SLIT2: variants seen among roughly 807,000 people sequenced by gnomAD.
SLIT2 encodes the protein slit guidance ligand 2.
A neutral mutation model predicts 185.7 loss-of-function variants in SLIT2; 41 were observed. The observed-to-expected ratio is 0.22, with a 90% confidence interval of 0.17 to 0.29. SLIT2 has a LOEUF of 0.29. SLIT2 is among the 10% of genes least tolerant of loss of function. The pLI is 1.00. For missense variants in SLIT2, 1,571 were observed against 1,909.0 expected (o/e 0.82, Z 3.30); for synonymous variants, 693 against 680.2 (o/e 1.02, Z -0.29).
intron 4 of SLIT2, among the ~76,000 whole-genome samples, chr4:20,402,749 CAT>C (rs562684831): frequency 1.3e-5 from 2 of 151,544 alleles, no homozygotes; most frequent in Admixed American, 1.3e-4. Context: ...AATAAGGTAA[CAT>C]ATTTTTTCAA....
At chr4:20,383,918 C>A (rs1405276386) in intron 4 of SLIT2, among the ~76,000 whole-genome samples, 1 of 151,994 alleles carries the variant, frequency 6.6e-6, no homozygotes, top group Non-Finnish European at 1.5e-5. Context: ...GTTGGCCAGG[C>A]TGGTCTCAAA....
chr4:20,503,920 A>G (rs1577802425), intron 9 of SLIT2, among the ~76,000 whole-genome samples: 1 of 152,190 alleles, frequency 6.6e-6, no homozygotes, highest in Admixed American at 6.5e-5. Context: ...CTGTATGCCC[A>G]GAAGTATCAC....
intron 6 of SLIT2, among the ~76,000 whole-genome samples, chr4:20,485,876 A>G (rs1242291450): frequency 1.3e-5 from 2 of 152,222 alleles, no homozygotes; most frequent in Non-Finnish European, 2.9e-5. Context: ...TTCCAACTGT[A>G]ACTATCCCGT....
At chr4:20,334,146 C>T (rs1288123045) in intron 4 of SLIT2, among the ~76,000 whole-genome samples, 4 of 152,164 alleles carry the variant, frequency 2.6e-5, no homozygotes, top group East Asian at 3.9e-4. Context: ...GGTTATCCCT[C>T]GCTAGAGAAA....
Position 20,589,701 on chromosome 4 carries a change from A to G in SLIT2, c.3146A>G (p.His1049Arg), listed in dbSNP as rs1370597129. Reference protein sequence around the residue: ...FCAQDLNPCQHDSKCILTPKG... With the variant: ...FCAQDLNPCQRDSKCILTPKG... ...GCCCAGGACCTGAACCCCTGCCAGCACGATTCAAAGTGCATCCTAACTCCA... is the reference window on the plus strand; with the variant it reads ...GCCCAGGACCTGAACCCCTGCCAGCGCGATTCAAAGTGCATCCTAACTCCA... The change falls in exon 30 of 37, where the codon CAC (histidine) becomes CGC (arginine). Residue 1049 changes from histidine to arginine, a missense_variant. Physicochemically the swap from His to Arg is conservative, Grantham distance 29. This residue lies in a region of SLIT2 where 1,202 missense variants were observed against 1,416.4 expected (regional missense o/e 0.85). Coordinates refer to ENST00000504154, the MANE Select transcript of SLIT2 (RefSeq NM_004787.4). 1 of 1,613,960 alleles carries G rather than the reference A, an allele frequency of 6.2e-7. No individual in the cohort carries two copies. The highest frequency in any genetic ancestry group is 2.2e-5 in the East Asian group (1 of 44,854).
At chr4:20,458,984 T>TA (rs1713392752) in intron 4 of SLIT2, among the ~76,000 whole-genome samples, 1 of 152,240 alleles carries the variant, frequency 6.6e-6, no homozygotes, top group African/African-American at 2.4e-5. Context: ...ATTTTACAGT[T>TA]ATTGTCAGTA....
rs957379784 is a variant in SLIT2 at position 20,488,871 on chromosome 4, G to A, written c.664G>A (p.Asp222Asn). 2 of 1,610,874 alleles carry A rather than the reference G, an allele frequency of 1.2e-6. No homozygotes were observed. Among genetic ancestry groups the A allele is most frequent in the African/African-American group, 2.7e-5 (2 of 74,874 alleles). Reference protein sequence around the residue: ...YCDCHLAWLSDWLRQRPRVGL... With the variant: ...YCDCHLAWLSNWLRQRPRVGL... ...TGACTGCCACCTGGCCTGGCTCTCC[G>A]ACTGGCTTCGCCAAAGGCCTCGGGT... Residue 222 changes from aspartate (D) to asparagine (N), a missense_variant, in exon 8 of 37, where the codon GAC becomes AAC. By Grantham distance (23) the Asp-to-Asn change is conservative. This residue lies in a region of SLIT2 where 1,202 missense variants were observed against 1,416.4 expected (regional missense o/e 0.85). Transcript: ENST00000504154.
rs766635546 is a variant in SLIT2, at chr4:20,541,533, C to T, written c.2057C>T (p.Thr686Met). 7 of 1,613,672 alleles carry T rather than the reference C, an allele frequency of 4.3e-6. No individual in the cohort carries two copies. Among genetic ancestry groups the T allele is most frequent in the Admixed American group, 1.7e-5 (1 of 59,982 alleles). The change falls in exon 20 of 37, where the codon ACG becomes ATG. Residue 686 changes from threonine to methionine, a missense_variant. Physicochemically the swap from Thr to Met is moderately conservative, Grantham distance 81. Around this residue, in one of 3 missense-constraint regions of SLIT2, gnomAD observed 1,202 missense variants for 1,416.4 expected, o/e 0.85. Coordinates refer to ENST00000504154, the MANE Select transcript of SLIT2 (RefSeq NM_004787.4). ...TGGCTGAGAAAGAAGAGAATTGTCA[C>T]GGGAAATCCTAGATGTCAAAAACCA... Reference protein sequence around the residue: ...GEWLRKKRIVTGNPRCQKPYF... With the variant: ...GEWLRKKRIVMGNPRCQKPYF...
At chr4:20,315,241 G>A (rs1718473387) in intron 4 of SLIT2, among the ~76,000 whole-genome samples, 1 of 152,070 alleles carries the variant, frequency 6.6e-6, no homozygotes, top group Non-Finnish European at 1.5e-5. Flanking sequence ...TGCCCAGAAG[G>A]CATAATGTTT....
At chr4:20,343,675 T>C (rs1721145519) in intron 4 of SLIT2, among the ~76,000 whole-genome samples, 1 of 151,858 alleles carries the variant, frequency 6.6e-6, no homozygotes, top group Non-Finnish European at 1.5e-5. Flanking sequence ...CTAATTTTTA[T>C]ATTTATTTTT....
intron 4 of SLIT2, among the ~76,000 whole-genome samples, chr4:20,298,224 G>A (rs1000446212): frequency 1.3e-5 from 2 of 151,954 alleles, no homozygotes; most frequent in African/African-American, 4.8e-5. Context: ...GAGTAGCTGG[G>A]ATTACAGGCA....
chr4:20,341,965 G>C (rs946598320), intron 4 of SLIT2, among the ~76,000 whole-genome samples: 1 of 152,108 alleles, frequency 6.6e-6, no homozygotes, highest in African/African-American at 2.4e-5. Flanking sequence ...CCTAGAGTTT[G>C]TTCTTTTCTG....
At chr4:20,354,904 T>A (rs57913253) in intron 4 of SLIT2, among the ~76,000 whole-genome samples, 9,972 of 62,490 alleles carry the variant, frequency 0.16, 501 homozygotes, top group African/African-American at 0.25. Context: ...TGTGTGTGTG[T>A]GTGAGAGAGA....
At chr4:20,265,266 CTTTAT>C (rs967309171) in intron 3 of SLIT2, among the ~76,000 whole-genome samples, 2 of 151,870 alleles carry the variant, frequency 1.3e-5, no homozygotes, top group African/African-American at 4.8e-5. Flanking sequence ...AATAAATGCT[CTTTAT>C]TTTAAGGATT....
At chr4:20,288,835 G>C (rs1412800453) in intron 4 of SLIT2, among the ~76,000 whole-genome samples, 6 of 152,198 alleles carry the variant, frequency 3.9e-5, no homozygotes, top group Non-Finnish European at 7.3e-5. Context: ...ACAGCCATCA[G>C]TGTGCCTTGT....
At chr4:20,443,956 A>G (rs2148704700) in intron 4 of SLIT2, among the ~76,000 whole-genome samples, 1 of 152,324 alleles carries the variant, frequency 6.6e-6, no homozygotes, top group Admixed American at 6.5e-5. Context: ...TTTGGCAGGT[A>G]CAATACCATT....
chr4:20,438,197 C>T (rs1281234429), intron 4 of SLIT2, among the ~76,000 whole-genome samples: 2 of 152,140 alleles, frequency 1.3e-5, no homozygotes, highest in African/African-American at 2.4e-5. Context: ...ATAAGTTAGA[C>T]CATGTTACCA....
chr4:20,536,558 C>CAA (rs35710842), intron 18 of SLIT2, among the ~76,000 whole-genome samples: 64 of 75,750 alleles, frequency 8.4e-4, no homozygotes, highest in African/African-American at 1.8e-3. Context: ...AACTCTGTCG[C>CAA]AAAAAAAAAA....
In SLIT2 at chr4:20,256,713, A is replaced by T; in HGVS notation, c.221A>T (p.Asp74Val). ...GNNITRITKT[D>V]FAGLRHLRVL... ...AACATCACAAGAATTACGAAGACAG[A>T]TTTTGCTGGTCTTAGACATCTAAGA... Residue 74 changes from aspartate to valine, a missense_variant, in exon 2 of 37, where the codon GAT becomes GTT. Physicochemically the swap from Asp to Val is radical, Grantham distance 152. Around this residue, in one of 3 missense-constraint regions of SLIT2, gnomAD observed 1,202 missense variants for 1,416.4 expected, o/e 0.85. Coordinates refer to ENST00000504154, the MANE Select transcript of SLIT2 (RefSeq NM_004787.4). 3 of 1,574,790 alleles carry T rather than the reference A, an allele frequency of 1.9e-6. No individual in the cohort carries two copies. The highest frequency in any genetic ancestry group is 2.6e-6 in the Non-Finnish European group (3 of 1,151,978).
Sources: gnomAD v4.1 joint callset for allele counts (sites outside exome capture counted in the v4.1 genomes callset) on GRCh38, gnomAD v4.1.1 for gene constraint, gnomAD v4.1.1 regional missense constraint, MANE v1.5 for transcripts, NCBI Gene and HGNC (gene_info 2026-07-23, HGNC 2026-07-21) for gene names.